Variants in CUX1 observed in about 807,000 individuals in gnomAD.
The protein encoded by CUX1 is protein CASP.
In CUX1, 31 loss-of-function variants were observed where a neutral mutation model predicts 158.8. That is an observed-to-expected ratio of 0.20 (90% CI 0.15 to 0.26). CUX1 has a LOEUF of 0.26. Ranked by LOEUF, CUX1 falls within the 10% of genes least tolerant of loss-of-function variation. The probability of loss-of-function intolerance (pLI) is 1.00; values close to 1 mark genes in which losing one functional copy is unlikely to be tolerated. For missense variants in CUX1, 1,589 were observed against 2,014.6 expected (o/e 0.79, Z 4.04); for synonymous variants, 879 against 862.1 (o/e 1.02, Z -0.34).
chr7:102,028,417 G>A (rs1376228688), intron 3 of CUX1, among the ~76,000 whole-genome samples: 2 of 152,178 alleles, frequency 1.3e-5, no homozygotes, highest in African/African-American at 4.8e-5. Flanking sequence ...GTTGCAACAG[G>A]CAGGTTGTTG....
At chr7:101,971,320 T>C (rs1047025296) in intron 2 of CUX1, among the ~76,000 whole-genome samples, 25 of 152,112 alleles carry the variant, frequency 1.6e-4, no homozygotes, top group African/African-American at 5.8e-4. Context: ...AAGCAAGGCA[T>C]GAGACTGGGA....
At chr7:102,002,324 G>T (rs901444634) in intron 2 of CUX1, among the ~76,000 whole-genome samples, 5 of 151,806 alleles carry the variant, frequency 3.3e-5, no homozygotes, top group Admixed American at 6.6e-5. Flanking sequence ...AATATATATA[G>T]TGTGTGTGTG....
At chr7:102,282,870 C>G in intron 22 of CUX1, 1 of 1,029,616 alleles carries the variant, frequency 9.7e-7, no homozygotes, top group Non-Finnish European at 1.4e-6. Context: ...TCCCCCACTC[C>G]TTAGCCCTCC....
Position 102,249,183 on chromosome 7 carries a change from C to G in CUX1, c.*141C>G, listed in dbSNP as rs1554538709. On this transcript the variant is annotated 3_prime_UTR_variant, in exon 24 of 24. Transcript: ENST00000292535. ...CCCGGGCCGGACCTGAGCCCGCAGC[C>G]CAGACCCCCTCCACGGTCCGCGGCC... is the stretch of plus-strand genomic sequence containing the variant. 1.8e-6 allele frequency: 2 copies of G among 1,134,322 alleles called. No individual in the cohort carries two copies. Among genetic ancestry groups the G allele is most frequent in the Non-Finnish European group, 2.2e-6 (2 of 923,432 alleles). 70.3% of individuals were successfully genotyped at this position (1,134,322 alleles called of 1,614,324 possible). A position where few individuals can be genotyped will look rare whatever the true frequency, so the allele number is the denominator to read the frequency against.
intron 1 of CUX1, among the ~76,000 whole-genome samples, chr7:101,835,878 G>A (rs1292019199): frequency 6.6e-6 from 1 of 152,144 alleles, no homozygotes; most frequent in Non-Finnish European, 1.5e-5. Context: ...TGGGACTACA[G>A]CTGCCATGCC....
intron 3 of CUX1, 85 bp downstream of exon 3, chr7:102,028,230 CA>C: frequency 1.4e-6 from 2 of 1,434,062 alleles, no homozygotes; most frequent in Non-Finnish European, 2.0e-6. Flanking sequence ...ATGCTCCGGG[CA>C]AAAGGTGCTG....
chr7:101,855,604 G>A (rs570070078), intron 1 of CUX1, among the ~76,000 whole-genome samples: 12 of 152,320 alleles, frequency 7.9e-5, no homozygotes, highest in African/African-American at 2.9e-4. Context: ...TTAAGGCCGG[G>A]CGCGGTGGCT....
At chr7:102,076,156 G>A (rs1264471203) in intron 4 of CUX1, among the ~76,000 whole-genome samples, 1 of 152,020 alleles carries the variant, frequency 6.6e-6, no homozygotes, top group African/African-American at 2.4e-5. Flanking sequence ...GCCGAAGCAG[G>A]CAGATCACCT....
intron 9 of CUX1, among the ~76,000 whole-genome samples, chr7:102,168,117 G>A (rs148944559): frequency 1.5e-3 from 231 of 151,642 alleles, no homozygotes; most frequent in African/African-American, 5.4e-3. Flanking sequence ...TGATTAATTA[G>A]CATGAACCAG....
At chr7:101,853,817 C>T (rs544939943) in intron 1 of CUX1, among the ~76,000 whole-genome samples, 13 of 152,264 alleles carry the variant, frequency 8.5e-5, no homozygotes, top group Non-Finnish European at 1.9e-4. Context: ...TTCTAGGCAC[C>T]AGGCTGGGGC....
chr7:102,135,839 G>A (rs1367784602), intron 8 of CUX1, among the ~76,000 whole-genome samples: 4 of 151,940 alleles, frequency 2.6e-5, no homozygotes, highest in African/African-American at 4.8e-5. Context: ...TCCTGGTGTG[G>A]TGGCGCGTGC....
exon 22 of CUX1, chr7:102,282,760 A>G: frequency 6.2e-7 from 1 of 1,613,180 alleles, no homozygotes; most frequent in Non-Finnish European, 8.5e-7. Flanking sequence ...GGACTGTGCC[A>G]CCTTCTGCGC....
intron 4 of CUX1, among the ~76,000 whole-genome samples, chr7:102,086,824 G>A (rs1240451285): frequency 2.0e-5 from 3 of 151,666 alleles, no homozygotes; most frequent in Non-Finnish European, 2.9e-5. Context: ...TTTGTTTTGG[G>A]GCAAATATAC....
At chr7:102,097,258 C>T (rs910176362) in intron 4 of CUX1, 106 bp from the exon 5 acceptor site, 39 of 1,334,078 alleles carry the variant, frequency 2.9e-5, no homozygotes, top group Non-Finnish European at 3.9e-5. Flanking sequence ...CTCTGGGGAG[C>T]CCCCGGAGCT....
intron 1 of CUX1, among the ~76,000 whole-genome samples, chr7:101,866,878 T>C (rs1321143612): frequency 6.6e-6 from 1 of 152,154 alleles, no homozygotes; most frequent in African/African-American, 2.4e-5. Context: ...CATATAGGAA[T>C]ATAGGAATAA....
intron 2 of CUX1, among the ~76,000 whole-genome samples, chr7:101,925,151 C>T (rs919146289): frequency 2.6e-5 from 4 of 152,130 alleles, no homozygotes; most frequent in South Asian, 2.1e-4. Flanking sequence ...CTCCGTCACC[C>T]GGGTTGGAGT....
intron 18 of CUX1, among the ~76,000 whole-genome samples, chr7:102,203,583 C>T (rs554447399): frequency 2.0e-5 from 3 of 152,322 alleles, no homozygotes; most frequent in African/African-American, 7.2e-5. Context: ...AATAGACATT[C>T]GTGCTCATGC....
chr7:101,825,464 C>T (rs1164385836), intron 1 of CUX1, among the ~76,000 whole-genome samples: 3 of 152,122 alleles, frequency 2.0e-5, no homozygotes, highest in Non-Finnish European at 4.4e-5. Context: ...GGCCAGGGCC[C>T]TTGGAGAGCT....
At chr7:102,029,478 T>C (rs1005418307) in intron 3 of CUX1, among the ~76,000 whole-genome samples, 7 of 152,166 alleles carry the variant, frequency 4.6e-5, no homozygotes, top group Non-Finnish European at 1.0e-4. Flanking sequence ...TAGAGCAAGT[T>C]GTCGGGCTTC....
Sources: gnomAD v4.1 joint callset for allele counts (sites outside exome capture counted in the v4.1 genomes callset) on GRCh38, gnomAD v4.1.1 for gene constraint, MANE v1.5 for transcripts, NCBI Gene and HGNC (gene_info 2026-07-23, HGNC 2026-07-21) for gene names.